RGPD3: variants seen among roughly 807,000 people sequenced by gnomAD.
RGPD3 encodes the protein ranBP2-like and GRIP domain-containing protein 3.
Under a neutral mutation model 154.5 loss-of-function variants are expected in RGPD3, and 62 were observed. That is an observed-to-expected ratio of 0.40 (90% CI 0.33 to 0.50). The LOEUF (loss-of-function observed/expected upper bound fraction) is 0.50, where lower values mean the gene tolerates loss of function less well. RGPD3 is among the 20% of genes least tolerant of loss of function. RGPD3 has a pLI of 0.59. For synonymous variants in RGPD3, 308 were observed against 607.0 expected, an observed-to-expected ratio of 0.51 and a Z score of 7.24; for missense variants, 919 against 1,716.8, an observed-to-expected ratio of 0.54 and a Z score of 8.21.
At chr2:106,426,805 G>A (rs1436077126) in intron 18 of RGPD3, among the ~76,000 whole-genome samples, 2 of 152,254 alleles carry the variant, frequency 1.3e-5, no homozygotes, top group African/African-American at 4.8e-5. Flanking sequence ...CCTGTACATG[G>A]AAGAAGAAAC....
At chr2:106,461,825 C>T (rs1678413144) in intron 1 of RGPD3, among the ~76,000 whole-genome samples, 1 of 151,302 alleles carries the variant, frequency 6.6e-6, no homozygotes, top group African/African-American at 2.4e-5. Context: ...AGCAAGACTC[C>T]ATCTCAAAAA....
At chr2:106,415,705 T>C (rs1158509018) in intron 21 of RGPD3, 145 bp downstream of exon 21, 10 of 732,588 alleles carry the variant, frequency 1.4e-5, no homozygotes, top group African/African-American at 2.2e-5. Context: ...AAAGGCAATA[T>C]TTCTCACCAT....
chr2:106,466,571 A>C (rs1678603725), intron 1 of RGPD3, among the ~76,000 whole-genome samples: 1 of 103,550 alleles, frequency 9.7e-6, no homozygotes, highest in Non-Finnish European at 2.0e-5. Context: ...CCGGCGCCTC[A>C]ACAGAGCGCG....
Position 106,415,835 on chromosome 2 carries a change from GT to G in RGPD3, c.5064+14del. On this transcript the variant is annotated intron_variant, in intron 21 of 22. Transcript: ENST00000409886. ...AACTGGCAGTTTTTATGGTGGCCAG[GT>G]TTTCTGATCTCACCTTAATTTGCTC... The G allele has an allele frequency of 6.2e-7, 1 of 1,611,742 alleles. No individual in the cohort carries two copies. Among genetic ancestry groups the G allele is most frequent in the Non-Finnish European group, 8.5e-7 (1 of 1,179,788 alleles).
chr2:106,438,345 G>A, intron 9 of RGPD3, among the ~76,000 whole-genome samples: 1 of 151,384 alleles, frequency 6.6e-6, no homozygotes, highest in Non-Finnish European at 1.5e-5. Context: ...AAAATTATCT[G>A]GGCCGAGTGG....
intron 1 of RGPD3, among the ~76,000 whole-genome samples, chr2:106,466,464 G>A (rs1204834999): frequency 2.8e-5 from 3 of 107,826 alleles, no homozygotes; most frequent in Non-Finnish European, 5.8e-5. Context: ...GCTGGGCCGG[G>A]TCGAGGCCGG....
chr2:106,411,957 A>C (rs1451748391), intron 22 of RGPD3, among the ~76,000 whole-genome samples: 1 of 151,266 alleles, frequency 6.6e-6, no homozygotes, highest in African/African-American at 2.4e-5. Flanking sequence ...TAGGTGACAG[A>C]GAAATCCAAT....
chr2:106,441,684 G>A (rs1249042640), intron 7 of RGPD3, among the ~76,000 whole-genome samples: 31 of 148,916 alleles, frequency 2.1e-4, no homozygotes, highest in African/African-American at 7.7e-4. Flanking sequence ...GTGAAACACA[G>A]TCTCTACTAA....
upstream of RGPD3, among the ~76,000 whole-genome samples, chr2:106,469,675 C>G (rs1366852588): frequency 6.6e-6 from 1 of 152,214 alleles, no homozygotes; most frequent in African/African-American, 2.4e-5. Flanking sequence ...TTCCACATCA[C>G]TTTTCCCCAG....
intron 1 of RGPD3, among the ~76,000 whole-genome samples, chr2:106,462,551 G>A (rs1393821577): frequency 1.3e-5 from 2 of 151,656 alleles, no homozygotes; most frequent in Non-Finnish European, 2.9e-5. Flanking sequence ...CTGATGCAGG[G>A]CTGAAAACAG....
At chr2:106,469,306 C>G (rs552989730), upstream of RGPD3, among the ~76,000 whole-genome samples, 2 of 148,496 alleles carry the variant, frequency 1.3e-5, no homozygotes, top group South Asian at 4.3e-4. Context: ...GACCTTACAC[C>G]TATCAAAAAG....
chr2:106,465,902 A>G (rs1006451599), intron 1 of RGPD3, among the ~76,000 whole-genome samples: 4 of 151,756 alleles, frequency 2.6e-5, no homozygotes, highest in Non-Finnish European at 4.4e-5. Context: ...GGCCATTGCA[A>G]ATGTCCGCGC....
chr2:106,412,089 A>G (rs547354179), intron 22 of RGPD3, among the ~76,000 whole-genome samples: 175 of 147,140 alleles, frequency 1.2e-3, no homozygotes, highest in Non-Finnish European at 1.9e-3. Context: ...TGACAACTCA[A>G]GAGAGATTAT....
chr2:106,441,894 A>G (rs1022674303), intron 7 of RGPD3, among the ~76,000 whole-genome samples: 4 of 139,520 alleles, frequency 2.9e-5, no homozygotes, highest in Admixed American at 7.4e-5. Context: ...AAAAAAAAAA[A>G]GAGGGGCCAG....
intron 9 of RGPD3, among the ~76,000 whole-genome samples, chr2:106,438,026 G>C (rs945909213): frequency 4.6e-5 from 7 of 152,226 alleles, no homozygotes; most frequent in Non-Finnish European, 7.3e-5. Flanking sequence ...CCACCTCCCG[G>C]TTGAAGCGAT....
chr2:106,455,210 C>T (rs553807404), intron 4 of RGPD3, among the ~76,000 whole-genome samples: 1,611 of 149,194 alleles, frequency 0.011, 1 homozygote, highest in African/African-American at 0.037. Context: ...AATTGTGGAC[C>T]ATGAAATACT....
At chr2:106,430,366 T>C (rs1364840848) in intron 17 of RGPD3, among the ~76,000 whole-genome samples, 2 of 98,634 alleles carry the variant, frequency 2.0e-5, no homozygotes, top group Non-Finnish European at 4.4e-5. Flanking sequence ...TTCATTTCCA[T>C]TCTACACTTG....
intron 22 of RGPD3, among the ~76,000 whole-genome samples, chr2:106,406,800 T>C (rs1676529041): frequency 1.3e-5 from 2 of 152,226 alleles, no homozygotes; most frequent in African/African-American, 4.8e-5. Flanking sequence ...CCAGACACCA[T>C]TCTGTGTTTT....
At chr2:106,426,272 ACTG>A (rs1409855413) in intron 18 of RGPD3, among the ~76,000 whole-genome samples, 184 bp from the exon 19 acceptor site, 1 of 148,864 alleles carries the variant, frequency 6.7e-6, no homozygotes, top group Non-Finnish European at 1.5e-5. Context: ...CTAGAAAAAA[ACTG>A]CTAAATATGA....
Sources: gnomAD v4.1 joint callset for allele counts (sites outside exome capture counted in the v4.1 genomes callset) on GRCh38, gnomAD v4.1.1 for gene constraint, MANE v1.5 for transcripts, NCBI Gene and HGNC (gene_info 2026-07-23, HGNC 2026-07-21) for gene names.